Variants in DOCK9 observed in about 807,000 individuals in gnomAD.
DOCK9 encodes the protein dedicator of cytokinesis protein 9.
DOCK9 carries 89 observed loss-of-function variants against 263.3 expected under a neutral mutation model. The observed-to-expected ratio is 0.34, with a 90% CI of 0.28 to 0.40. The LOEUF is 0.40. Among genes scored for constraint, DOCK9 ranks in the 10% least tolerant of loss-of-function variants. DOCK9 has a pLI of 1.00. For missense variants in DOCK9, 2,140 were observed against 2,603.4 expected, an observed-to-expected ratio of 0.82 and a Z score of 3.87; for synonymous variants, 976 against 973.1, an observed-to-expected ratio of 1.00 and a Z score of -0.06.
At chr13:99,035,631 G>C (rs1016410191) in intron 1 of DOCK9, among the ~76,000 whole-genome samples, 1 of 152,218 alleles carries the variant, frequency 6.6e-6, no homozygotes, top group East Asian at 1.9e-4. Flanking sequence ...CAAAATGGTA[G>C]AGTCATCAAT....
Position 98,831,525 on chromosome 13 carries a change from G to C in DOCK9, c.4458C>G (p.Pro1486=). The C allele has an allele frequency of 6.3e-7, 1 of 1,585,924 alleles. No homozygotes were observed. The highest frequency in any genetic ancestry group is 8.6e-7 in the Non-Finnish European group (1 of 1,165,542). Residue 1486 remains proline, a synonymous_variant, in exon 41 of 53, where the codon CCC becomes CCG. Coordinates refer to ENST00000682017, the MANE Select transcript of DOCK9 (RefSeq NM_001366683.2). The part of the protein sequence containing the change: ...TALRSLIYKF[P]STFYEGRADM... The stretch of plus-strand genomic sequence containing the variant: ...CCGCTCTCCCTTCATAGAATGTTGA[G>C]GGAAACTAGACAGGATGAGAGGAAG...
chr13:98,874,652 T>C lies in DOCK9; in HGVS notation c.2943+5246A>G, dbSNP rs571716158. Among the ~76,000 whole-genome samples, 213 of 152,354 alleles carry C rather than the reference T, an allele frequency of 1.4e-3. 6 individuals are homozygous for C. In the South Asian group the frequency reaches 0.042, roughly 30 times the overall value. On this transcript the variant is annotated intron_variant, in intron 27 of 52. Transcript: ENST00000682017. ...AGCATCACCATAAAATGTCATTTCA[T>C]ATTATTGCAGTTAGAGAGCTAAACA...
Position 98,826,876 on chromosome 13 carries a change from G to T in DOCK9, c.4977C>A (p.Cys1659Ter). ...KNGDLSEAAM[C>*]YVHVTALVAE... ...CCACTAGGGCTGTTACGTGGACATA[G>T]CACATTGCTGCCTATAATAGAAGAC... The change falls in exon 44 of 53, where the codon TGC (cysteine) becomes TGA (stop). Residue 1659 changes from cysteine (C) to a stop codon, truncating the protein, a stop_gained. Coordinates refer to ENST00000682017, the MANE Select transcript of DOCK9 (RefSeq NM_001366683.2). LOFTEE classifies it high-confidence loss of function. The T allele has an allele frequency of 6.2e-7, 1 of 1,609,912 alleles. No individual in the cohort carries two copies. Among genetic ancestry groups the T allele is most frequent in the Non-Finnish European group, 8.5e-7 (1 of 1,177,984 alleles).
intron 38 of DOCK9, among the ~76,000 whole-genome samples, chr13:98,839,985 T>G (rs887299960): frequency 6.6e-6 from 1 of 152,188 alleles, no homozygotes; most frequent in African/African-American, 2.4e-5. Flanking sequence ...CTCCAACTGT[T>G]TCATCTAAAA....
At chr13:98,853,799 G>T (rs1184160522) in intron 34 of DOCK9, among the ~76,000 whole-genome samples, 6 of 152,150 alleles carry the variant, frequency 3.9e-5, no homozygotes, top group Non-Finnish European at 7.4e-5. Flanking sequence ...CACAGCTTTA[G>T]CTATGCCAAG....
chr13:98,802,211 T>G (rs143899565), intron 49 of DOCK9, among the ~76,000 whole-genome samples: 1 of 152,226 alleles, frequency 6.6e-6, no homozygotes. Flanking sequence ...ACCACGGTTA[T>G]ATTTACTCAT....
At chr13:99,006,750 G>A (rs1355836634) in intron 1 of DOCK9, among the ~76,000 whole-genome samples, 2 of 152,110 alleles carry the variant, frequency 1.3e-5, no homozygotes, top group African/African-American at 2.4e-5. Context: ...ATTTTCTACA[G>A]TACTTATGTA....
intron 1 of DOCK9, among the ~76,000 whole-genome samples, chr13:98,956,602 C>A (rs1385909454): frequency 2.0e-5 from 3 of 151,812 alleles, no homozygotes; most frequent in Admixed American, 2.0e-4. Flanking sequence ...TAAAAATTAG[C>A]CAGGCGTGGT....
rs73556971 is a variant in DOCK9 at position 98,884,158 on chromosome 13, A to G, written c.2383-259T>C. 7.6e-3 allele frequency among the ~76,000 whole-genome samples: 1,159 copies of G among 152,274 alleles called. 14 individuals carry two copies. Among genetic ancestry groups the G allele is most frequent in the African/African-American group, 0.027 (1,124 of 41,548 alleles). Reference sequence around the variant, plus strand: ...TTTGCAGCTGTGTGAGTTATTGTTCATTTGAGAGGGAAAGAATCCTATTAC... The same window carrying G: ...TTTGCAGCTGTGTGAGTTATTGTTCGTTTGAGAGGGAAAGAATCCTATTAC... On this transcript the variant is annotated intron_variant, in intron 21 of 52. Coordinates refer to ENST00000682017, the MANE Select transcript of DOCK9 (RefSeq NM_001366683.2).
intron 39 of DOCK9, among the ~76,000 whole-genome samples, chr13:98,836,274 C>T (rs898004523): frequency 2.7e-4 from 41 of 152,174 alleles, no homozygotes; most frequent in African/African-American, 9.9e-4. Flanking sequence ...CTGTTCTGAA[C>T]TTAATGATTC....
In DOCK9 at chr13:99,050,412, T is replaced by C. The variant is rs117214276; in HGVS notation, c.129+35811A>G. 1.4e-4 allele frequency among the ~76,000 whole-genome samples: 21 copies of C among 152,290 alleles called. No homozygotes were observed. The East Asian group carries it at 3.5e-3, about 25-fold the overall frequency. ...ATTCTCCCATCCAATCAACATGTCA[T>C]GACCGGGCGCAGTGGCTCATGCCTG... On this transcript the variant is annotated intron_variant, in intron 1 of 32. Coordinates refer to the DOCK9 transcript ENST00000427887.
chr13:98,973,622 G>T (rs2059947669), intron 1 of DOCK9, among the ~76,000 whole-genome samples: 1 of 152,120 alleles, frequency 6.6e-6, no homozygotes, highest in Non-Finnish European at 1.5e-5. Flanking sequence ...TTTGAGACAA[G>T]GTCTTACTCT....
chr13:98,884,696 G>A (rs1338461842), intron 21 of DOCK9, among the ~76,000 whole-genome samples: 1 of 152,120 alleles, frequency 6.6e-6, no homozygotes, highest in Non-Finnish European at 1.5e-5. Context: ...AGTCGGCAGA[G>A]ACAGACCTTA....
At chr13:99,009,424 C>T (rs1452671676) in intron 1 of DOCK9, among the ~76,000 whole-genome samples, 3 of 152,164 alleles carry the variant, frequency 2.0e-5, no homozygotes, top group Non-Finnish European at 2.9e-5. Context: ...TGTGACCAGA[C>T]TTGGACCCAA....
At chr13:98,979,124 A>AAGC (rs892956610), upstream of DOCK9, among the ~76,000 whole-genome samples, 21 of 151,654 alleles carry the variant, frequency 1.4e-4, no homozygotes, top group African/African-American at 2.9e-4. Flanking sequence ...AGTAGACAAC[A>AAGC]AGCAGCAGCA....
At chr13:98,991,771 A>C (rs1392871672) in intron 1 of DOCK9, among the ~76,000 whole-genome samples, 1 of 151,982 alleles carries the variant, frequency 6.6e-6, no homozygotes. Flanking sequence ...CTTCCTAGGC[A>C]GTCGACTTTC....
intron 2 of DOCK9, among the ~76,000 whole-genome samples, chr13:98,935,660 T>TG (rs1160442220): frequency 6.6e-6 from 1 of 152,162 alleles, no homozygotes; most frequent in Non-Finnish European, 1.5e-5. Flanking sequence ...CTCAGCTACT[T>TG]GGGAGGCTGA....
At chr13:99,036,708 T>A (rs1887919459) in intron 1 of DOCK9, among the ~76,000 whole-genome samples, 2 of 152,106 alleles carry the variant, frequency 1.3e-5, no homozygotes, top group Non-Finnish European at 2.9e-5. Context: ...CCCAGCTAAT[T>A]TTTGTATTTT....
At chr13:98,888,306 G>C in intron 17 of DOCK9, 54 bp downstream of exon 17, 3 of 1,603,018 alleles carry the variant, frequency 1.9e-6, no homozygotes, top group Non-Finnish European at 2.6e-6. Flanking sequence ...ATGGGACGCT[G>C]AATCTAAAGG....
Sources: gnomAD v4.1 joint callset for allele counts (sites outside exome capture counted in the v4.1 genomes callset) on GRCh38, gnomAD v4.1.1 for gene constraint, MANE v1.5 for transcripts, NCBI Gene and HGNC (gene_info 2026-07-23, HGNC 2026-07-21) for gene names.